Variants in BTBD16 observed in about 807,000 individuals in gnomAD.
The protein encoded by BTBD16 is BTB/POZ domain-containing protein 16.
A neutral mutation model predicts 67.4 loss-of-function variants in BTBD16; 66 were observed. The ratio of observed to expected loss-of-function variants is 0.98; its 90% CI spans 0.80 to 1.20. The LOEUF (loss-of-function observed/expected upper bound fraction) is 1.20, where lower values mean the gene tolerates loss of function less well. BTBD16 is among the 50% of genes most tolerant of loss of function. BTBD16 has a pLI of 0.00. For missense variants in BTBD16, 634 were observed against 616.0 expected (o/e 1.03, Z -0.31); for synonymous variants, 242 against 236.4 (o/e 1.02, Z -0.22).
rs745381775 is a variant in BTBD16 at position 122,338,086 on chromosome 10, C to T, written c.*1C>T. The T allele has an allele frequency of 1.1e-5, 17 of 1,593,668 alleles. No individual in the cohort carries two copies. The highest frequency in any genetic ancestry group is 1.4e-5 in the Non-Finnish European group (16 of 1,161,562). On this transcript the variant is annotated 3_prime_UTR_variant, in exon 16 of 16. Transcript: ENST00000260723. ...TGCATTCATCTTCCCAGCATCTTGA[C>T]AGTTTCCAGAAGAATCTATGGGATT...
intron 10 of BTBD16, among the ~76,000 whole-genome samples, chr10:122,312,603 C>T (rs999369348): frequency 5.3e-5 from 8 of 151,826 alleles, no homozygotes; most frequent in African/African-American, 1.2e-4. Flanking sequence ...TGTGAGCCAC[C>T]GCTTCTGGCC....
chr10:122,283,839 T>C lies in BTBD16; in HGVS notation c.168-12T>C. 1.2e-6 allele frequency: 2 copies of C among 1,610,868 alleles called. No homozygotes were observed. The highest frequency in any genetic ancestry group is 1.7e-6 in the Non-Finnish European group (2 of 1,177,140). On this transcript the variant is annotated splice_polypyrimidine_tract_variant and intron_variant, in intron 3 of 15. Coordinates refer to ENST00000260723, the MANE Select transcript of BTBD16 (RefSeq NM_144587.5). ...TTAACTCCTGGATTTTATATTTGCA[T>C]TTTCCCTTGAGGTTATGCATTTCAC...
At chr10:122,310,557 G>A (rs1400064234) in intron 10 of BTBD16, among the ~76,000 whole-genome samples, 1 of 152,210 alleles carries the variant, frequency 6.6e-6, no homozygotes, top group African/African-American at 2.4e-5. Flanking sequence ...GGCAAAGGGA[G>A]CAGCTAATCA....
chr10:122,289,188 C>T (rs2096369267), intron 5 of BTBD16, among the ~76,000 whole-genome samples: 1 of 152,186 alleles, frequency 6.6e-6, no homozygotes, highest in South Asian at 2.1e-4. Context: ...CCTGCCTGCA[C>T]TGCTCCAGGT....
At chr10:122,274,934 T>C in intron 1 of BTBD16, 106 bp from the exon 2 acceptor site, 1 of 695,354 alleles carries the variant, frequency 1.4e-6, no homozygotes, top group Non-Finnish European at 2.5e-6. Flanking sequence ...ATTCGAGGCT[T>C]ATTCATTATT....
intron 9 of BTBD16, among the ~76,000 whole-genome samples, chr10:122,306,181 C>T (rs2142091736): frequency 6.6e-6 from 1 of 152,254 alleles, no homozygotes; most frequent in African/African-American, 2.4e-5. Context: ...GACTTGAAGA[C>T]TGAGAAAAGG....
chr10:122,274,696 A>G (rs1440831846), intron 1 of BTBD16, among the ~76,000 whole-genome samples: 1 of 152,102 alleles, frequency 6.6e-6, no homozygotes, highest in Non-Finnish European at 1.5e-5. Flanking sequence ...TCATCCCTTT[A>G]GTCTCCTCGT....
chr10:122,335,586 C>T (rs1211649332), intron 14 of BTBD16, among the ~76,000 whole-genome samples: 3 of 152,196 alleles, frequency 2.0e-5, no homozygotes, highest in African/African-American at 7.2e-5. Flanking sequence ...GAGAAGGTAA[C>T]AGGACATACC....
chr10:122,284,971 T>C (rs916017824), intron 4 of BTBD16, among the ~76,000 whole-genome samples: 2 of 152,146 alleles, frequency 1.3e-5, no homozygotes, highest in African/African-American at 4.8e-5. Context: ...AGACTTTTTC[T>C]AACTCAGCAT....
intron 3 of BTBD16, among the ~76,000 whole-genome samples, chr10:122,281,869 C>T (rs1420234810): frequency 6.6e-6 from 1 of 152,204 alleles, no homozygotes; most frequent in Non-Finnish European, 1.5e-5. Flanking sequence ...CTTTCTCCAT[C>T]ATGGTCATGA....
intron 10 of BTBD16, among the ~76,000 whole-genome samples, chr10:122,309,590 G>T (rs1168399839): frequency 1.3e-5 from 2 of 151,868 alleles, no homozygotes; most frequent in Non-Finnish European, 2.9e-5. Flanking sequence ...CGATCCACCC[G>T]CCTCGGCCTC....
In BTBD16 at chr10:122,338,114, C is replaced by T; in HGVS notation, c.*29C>T. ...TTTCCAGAAGAATCTATGGGATTTT[C>T]CCCCCACTGGTCTGCATAAAAGAAA... On this transcript the variant is annotated 3_prime_UTR_variant, in exon 16 of 16. Transcript: ENST00000260723. 7 of 1,505,392 alleles carry T rather than the reference C, an allele frequency of 4.6e-6. No homozygotes were observed. The highest frequency in any genetic ancestry group is 4.5e-5 in the South Asian group (4 of 88,224). The allele number at this position is 1,505,392 out of a possible 1,614,324, so 93.3% of individuals were successfully genotyped here. A position where few individuals can be genotyped will look rare whatever the true frequency, so the allele number is the denominator to read the frequency against.
intron 10 of BTBD16, among the ~76,000 whole-genome samples, chr10:122,328,387 T>C (rs950319968): frequency 7.2e-5 from 11 of 152,198 alleles, no homozygotes; most frequent in Admixed American, 2.0e-4. Flanking sequence ...AACCCTTGAA[T>C]TGAATCAGAA....
chr10:122,334,402 A>G (rs566386146), intron 13 of BTBD16, among the ~76,000 whole-genome samples: 143 of 143,042 alleles, frequency 1.0e-3, no homozygotes, highest in Non-Finnish European at 1.6e-3. Context: ...TCACCATGTT[A>G]GCCAGGATGG....
chr10:122,322,788 C>T (rs1190415710), intron 10 of BTBD16, among the ~76,000 whole-genome samples: 1 of 152,212 alleles, frequency 6.6e-6, no homozygotes, highest in Admixed American at 6.5e-5. Context: ...TGTGCCTCCA[C>T]ACTTGGCTCA....
At chr10:122,309,145 GAGAC>G (rs2096408912) in intron 10 of BTBD16, among the ~76,000 whole-genome samples, 1 of 151,654 alleles carries the variant, frequency 6.6e-6, no homozygotes, top group Non-Finnish European at 1.5e-5. Context: ...CTCTTTTTTT[GAGAC>G]AGGGTCTTGC....
At chr10:122,313,681 T>C (rs1300532327) in intron 10 of BTBD16, among the ~76,000 whole-genome samples, 1 of 152,152 alleles carries the variant, frequency 6.6e-6, no homozygotes, top group East Asian at 1.9e-4. Context: ...CATCCAGAAG[T>C]ATTTTTTTAA....
At chr10:122,331,438 C>T in intron 12 of BTBD16, 180 bp downstream of exon 12, 1 of 592,472 alleles carries the variant, frequency 1.7e-6, no homozygotes, top group Non-Finnish European at 2.1e-6. Flanking sequence ...GGGAGGAGAC[C>T]CAGCCTTGGA....
intron 7 of BTBD16, among the ~76,000 whole-genome samples, chr10:122,297,531 G>C (rs1246501836): frequency 6.6e-6 from 1 of 152,140 alleles, no homozygotes; most frequent in African/African-American, 2.4e-5. Context: ...CCTGCTATAG[G>C]GTTACTTTGT....
Sources: allele counts gnomAD v4.1 joint callset (sites outside exome capture counted in the v4.1 genomes callset), GRCh38; gene constraint gnomAD v4.1.1; transcripts MANE v1.5; gene names NCBI Gene and HGNC (gene_info 2026-07-23, HGNC 2026-07-21).